Variants in CCDC85C observed in about 807,000 individuals in gnomAD.
The protein encoded by CCDC85C is coiled-coil domain-containing protein 85C.
In CCDC85C, 18 loss-of-function variants were observed where a neutral mutation model predicts 38.3. The ratio of observed to expected loss-of-function variants is 0.47; its 90% CI spans 0.33 to 0.70. The LOEUF is 0.70. CCDC85C is among the 30% of genes least tolerant of loss of function. CCDC85C has a pLI of 0.03. For missense variants in CCDC85C, 566 were observed against 621.2 expected (o/e 0.91, Z 0.94); for synonymous variants, 264 against 293.8 (o/e 0.90, Z 1.04).
intron 3 of CCDC85C, among the ~76,000 whole-genome samples, chr14:99,519,927 G>A (rs746521032): frequency 1.3e-5 from 2 of 152,196 alleles, no homozygotes; most frequent in African/African-American, 4.8e-5. Context: ...AGTGACGGCC[G>A]ATGGGTACAG....
At chr14:99,573,222 C>G (rs923855285) in intron 1 of CCDC85C, among the ~76,000 whole-genome samples, 7 of 152,198 alleles carry the variant, frequency 4.6e-5, no homozygotes, top group African/African-American at 1.7e-4. Flanking sequence ...CTAGAGCGAA[C>G]AGGACCTCCA....
In CCDC85C at chr14:99,545,811, T is replaced by C. The variant is rs1016728022; in HGVS notation, c.794-9723A>G. ...GCTTTTAAAATCTGATCTCTTCCCC[T>C]GAGACTAACTGGACACTCTAGGGGA... On this transcript the variant is annotated intron_variant, in intron 1 of 5. Coordinates refer to ENST00000380243, the MANE Select transcript of CCDC85C (RefSeq NM_001144995.2). The surrounding 1 kb of genome is among the most constrained non-coding windows in gnomAD (Gnocchi z 4.7). 2.6e-5 allele frequency among the ~76,000 whole-genome samples: 4 copies of C among 152,226 alleles called. No homozygotes were observed. Among genetic ancestry groups the C allele is most frequent in the Middle Eastern group, 3.4e-3 (1 of 294 alleles).
intron 1 of CCDC85C, among the ~76,000 whole-genome samples, chr14:99,571,204 G>A (rs2400755): frequency 0.57 from 86,749 of 151,902 alleles, 24,857 homozygotes; most frequent in African/African-American, 0.62. Flanking sequence ...GGGAGGGGCT[G>A]GGAGACAAGA....
chr14:99,543,654 C>T (rs575805099), intron 1 of CCDC85C, among the ~76,000 whole-genome samples: 1 of 152,212 alleles, frequency 6.6e-6, no homozygotes, highest in South Asian at 2.1e-4. Context: ...AGGGCACAGC[C>T]TGAGCAAAGG....
At chr14:99,573,105 C>A (rs1898390970) in intron 1 of CCDC85C, 1 of 305,098 alleles carries the variant, frequency 3.3e-6, no homozygotes, top group Non-Finnish European at 6.5e-6. Flanking sequence ...TCAGACCAGG[C>A]AGGGACTCAG....
chr14:99,579,945 G>A (rs2054947423), intron 1 of CCDC85C: 1 of 416,944 alleles, frequency 2.4e-6, no homozygotes, highest in Non-Finnish European at 4.8e-6. Context: ...CCAAGACTTT[G>A]GGAGTCTTGG....
intron 1 of CCDC85C, among the ~76,000 whole-genome samples, chr14:99,578,729 C>T (rs539972164): frequency 1.4e-4 from 21 of 152,326 alleles, no homozygotes; most frequent in South Asian, 6.2e-4. Context: ...GAGTTCATCA[C>T]GTGTAATCGG....
chr14:99,546,767 A>G (rs10138208), intron 1 of CCDC85C, among the ~76,000 whole-genome samples: 151,760 of 152,218 alleles, frequency 1, 75,653 homozygotes, highest in East Asian at 1. Flanking sequence ...CTTCATGAAC[A>G]GGGCTGCAGT....
intron 1 of CCDC85C, among the ~76,000 whole-genome samples, chr14:99,585,398 T>C (rs1007546648): frequency 2.0e-5 from 3 of 152,130 alleles, no homozygotes; most frequent in Non-Finnish European, 4.4e-5. Context: ...AGCCAGAGTG[T>C]AGGGTCAAAC....
chr14:99,507,179 G>T lies in CCDC85C; in HGVS notation c.*8067C>A, dbSNP rs745355438. 7.6e-7 allele frequency: 1 copy of T among 1,322,546 alleles called. No individual in the cohort carries two copies. The highest frequency in any genetic ancestry group is 1.1e-6 in the Non-Finnish European group (1 of 914,712). The allele number at this position is 1,322,546 out of a possible 1,614,324, so 81.9% of individuals were successfully genotyped here. A position where few individuals can be genotyped will look rare whatever the true frequency, so the allele number is the denominator to read the frequency against. On this transcript the variant is annotated 3_prime_UTR_variant, in exon 6 of 6. Transcript: ENST00000380243. The stretch of plus-strand genomic sequence containing the variant: ...ATCTGCTGAAGCAGCTTGGCCAGCT[G>T]TGCACATCGCCTCTGAATGTTGGAC...
intron 1 of CCDC85C, among the ~76,000 whole-genome samples, chr14:99,540,297 G>C (rs1020812706): frequency 5.9e-5 from 9 of 152,176 alleles, no homozygotes; most frequent in Non-Finnish European, 1.2e-4. Flanking sequence ...CCAGGAGCCA[G>C]TGAGCCGGGC....
chr14:99,558,001 ATATC>A lies in CCDC85C; in HGVS notation c.794-21917_794-21914del, dbSNP rs1898045177. Among the ~76,000 whole-genome samples, 1 of 152,244 alleles carries A rather than the reference ATATC, an allele frequency of 6.6e-6. No individual in the cohort carries two copies. Among genetic ancestry groups the A allele is most frequent in the South Asian group, 2.1e-4 (1 of 4,832 alleles). On this transcript the variant is annotated intron_variant, in intron 1 of 5. Transcript: ENST00000380243. This position sits in a 1 kb window ranked among gnomAD's most constrained non-coding sequence, Gnocchi z 4.2. ...AACATAAAATAGCTGAAAGGATGAAATATCACAGAAGAAAGTGCGTGTGCAGCTT... is the reference window on the plus strand; with the variant it reads ...AACATAAAATAGCTGAAAGGATGAAAACAGAAGAAAGTGCGTGTGCAGCTT...
In CCDC85C at chr14:99,568,091, G is replaced by A. The variant is rs72706333; in HGVS notation, c.794-32003C>T. ...GTCCCAGACTGGCCTGGTCCCTTTA[G>A]GCAGAGAGGCAGGAGGGGCTCAGGC... On this transcript the variant is annotated intron_variant, in intron 1 of 5. Coordinates refer to ENST00000380243, the MANE Select transcript of CCDC85C (RefSeq NM_001144995.2). Among the ~76,000 whole-genome samples the A allele has an allele frequency of 9.2e-3, 1,400 of 152,112 alleles. 15 individuals are homozygous for A. The highest frequency in any genetic ancestry group is 0.016 in the Non-Finnish European group (1,074 of 67,988).
At chr14:99,561,925 C>T (rs1898124815) in intron 1 of CCDC85C, among the ~76,000 whole-genome samples, 1 of 152,192 alleles carries the variant, frequency 6.6e-6, no homozygotes, top group Admixed American at 6.5e-5. Flanking sequence ...CTGGCCCTTG[C>T]CTGGCATGCA....
In CCDC85C at chr14:99,516,126, C is replaced by T. The variant is rs904567668; in HGVS notation, c.1170+62G>A. On this transcript the variant is annotated intron_variant, in intron 5 of 5. Coordinates refer to ENST00000380243, the MANE Select transcript of CCDC85C (RefSeq NM_001144995.2). This position sits in a 1 kb window ranked among gnomAD's most constrained non-coding sequence, Gnocchi z 5.5. ...CCACATGGGGAAGGGTATGGCCATGCTGGGTGGCCCTGGTCGCACTCCCAG... is the reference window on the plus strand; with the variant it reads ...CCACATGGGGAAGGGTATGGCCATGTTGGGTGGCCCTGGTCGCACTCCCAG... 1.6e-6 allele frequency: 2 copies of T among 1,269,170 alleles called. No homozygotes were observed. Among genetic ancestry groups the T allele is most frequent in the African/African-American group, 1.5e-5 (1 of 67,592 alleles). The allele number at this position is 1,269,170 out of a possible 1,614,324, so 78.6% of individuals were successfully genotyped here.
intron 1 of CCDC85C, among the ~76,000 whole-genome samples, chr14:99,547,844 A>G (rs919817545): frequency 6.6e-6 from 1 of 152,018 alleles, no homozygotes; most frequent in South Asian, 2.1e-4. Context: ...GTGTGTGTGT[A>G]TATACACATA....
At position 99,503,795 on chromosome 14, in the gene CCDC85C, T is replaced by C. The variant is rs1896903054; in HGVS notation, c.*11451A>G. 1 of 639,896 alleles carries C rather than the reference T, an allele frequency of 1.6e-6. No individual in the cohort carries two copies. Among genetic ancestry groups the C allele is most frequent in the African/African-American group, 1.8e-5 (1 of 54,580 alleles). 39.6% of individuals were successfully genotyped at this position (639,896 alleles called of 1,614,324 possible). On this transcript the variant is annotated 3_prime_UTR_variant, in exon 6 of 6. Coordinates refer to ENST00000380243, the MANE Select transcript of CCDC85C (RefSeq NM_001144995.2). ...AACTTTTCCATCAGCATTGTCTTTC[T>C]GTTCATCACCTGATCATAGATTCTA...
rs1897587693 is a variant in CCDC85C, at chr14:99,535,919, C to T, written c.867+96G>A. 26 of 903,976 alleles carry T rather than the reference C, an allele frequency of 2.9e-5. 2 individuals are homozygous for T. The South Asian group carries it at 3.5e-4, about 12-fold the overall frequency. The allele number at this position is 903,976 out of a possible 1,614,324, so 56.0% of individuals were successfully genotyped here. A position where few individuals can be genotyped will look rare whatever the true frequency, so the allele number is the denominator to read the frequency against. On this transcript the variant is annotated intron_variant, in intron 2 of 5. Transcript: ENST00000380243. This position sits in a 1 kb window ranked among gnomAD's most constrained non-coding sequence, Gnocchi z 5.5. The stretch of plus-strand genomic sequence containing the variant: ...GTGGCAGTGGGAGCAGTTGGGGGGA[C>T]AGCCTAGGTCCCAAGGGGAAGGGTG...
chr14:99,538,640 A>T (rs1211082596), intron 1 of CCDC85C, among the ~76,000 whole-genome samples: 1 of 152,192 alleles, frequency 6.6e-6, no homozygotes, highest in Non-Finnish European at 1.5e-5. Context: ...AGCTCCCAGC[A>T]CTTCCCTCTC....
Sources: allele counts gnomAD v4.1 joint callset (sites outside exome capture counted in the v4.1 genomes callset), GRCh38; gene constraint gnomAD v4.1.1; non-coding constraint Gnocchi (gnomAD v3.1); transcripts MANE v1.5; gene names NCBI Gene and HGNC (gene_info 2026-07-23, HGNC 2026-07-21).